Variants in DST observed in about 807,000 individuals in gnomAD.
The protein encoded by DST is dystonin, also known as bullous pemphigoid antigen.
A neutral mutation model predicts 875.2 loss-of-function variants in DST; 253 were observed. That is an observed-to-expected ratio of 0.29 (90% CI 0.26 to 0.32). DST has a LOEUF of 0.32. DST is among the 10% of genes least tolerant of loss of function. The pLI is 1.00. For synonymous variants in DST, 3,124 were observed against 3,197.1 expected (o/e 0.98, Z 0.77); for missense variants, 8,287 against 9,111.6 (o/e 0.91, Z 3.68).
At chr6:56,609,393 G>A (rs2098525624) in intron 39 of DST, 49 bp from the exon 40 acceptor site, 6 of 1,377,306 alleles carry the variant, frequency 4.4e-6, no homozygotes, top group East Asian at 2.3e-5. Context: ...CACAAGGGTG[G>A]GCGGAGTTTC....
intron 2 of DST, among the ~76,000 whole-genome samples, chr6:56,927,836 C>CT (rs1808009696): frequency 6.6e-6 from 1 of 152,140 alleles, no homozygotes; most frequent in Non-Finnish European, 1.5e-5. Flanking sequence ...TAAACAGGTA[C>CT]TAGAGGACTA....
At chr6:56,843,439 C>G in intron 4 of DST, 1 of 1,032,688 alleles carries the variant, frequency 9.7e-7, no homozygotes, top group Non-Finnish European at 1.2e-6. Flanking sequence ...AGCCCAGGGG[C>G]GGCGACGAGC....
At chr6:56,937,779 T>C (rs1232138440) in intron 2 of DST, among the ~76,000 whole-genome samples, 1 of 152,132 alleles carries the variant, frequency 6.6e-6, no homozygotes, top group Non-Finnish European at 1.5e-5. Context: ...AATGGATAAA[T>C]CAAGTATGGT....
intron 9 of DST, among the ~76,000 whole-genome samples, chr6:56,685,976 A>G (rs1224307026): frequency 6.6e-6 from 1 of 152,200 alleles, no homozygotes; most frequent in African/African-American, 2.4e-5. Flanking sequence ...ATTCTTCTAA[A>G]AAGACATCTG....
intron 4 of DST, among the ~76,000 whole-genome samples, chr6:56,842,835 T>G (rs1289740307): frequency 1.3e-5 from 2 of 152,110 alleles, no homozygotes; most frequent in Non-Finnish European, 2.9e-5. Context: ...CCCCCCTCTC[T>G]ACCGCTCATC....
intron 2 of DST, among the ~76,000 whole-genome samples, chr6:56,907,942 C>T (rs551928577): frequency 1.3e-5 from 2 of 152,220 alleles, no homozygotes; most frequent in Admixed American, 6.5e-5. Context: ...TGGTGGCACA[C>T]GCCTATAATC....
At chr6:56,747,835 G>A (rs1047802930) in intron 4 of DST, among the ~76,000 whole-genome samples, 1 of 152,036 alleles carries the variant, frequency 6.6e-6, no homozygotes, top group Admixed American at 6.6e-5. Flanking sequence ...AAGTAATTTG[G>A]TGTTTTAAAG....
chr6:56,907,306 C>T lies in DST; in HGVS notation c.217-6685G>A, dbSNP rs140759637. ...GTTACCTACAAACAAAAATCTGTAA[C>T]GCACACAATTTTTGTTAAAGCTTGC... On this transcript the variant is annotated intron_variant, in intron 2 of 103. Coordinates refer to ENST00000680361, the MANE Select transcript of DST (RefSeq NM_001374736.1). Among the ~76,000 whole-genome samples the T allele has an allele frequency of 2.3e-3, 350 of 152,248 alleles. 3 individuals are homozygous for T. Among genetic ancestry groups the T allele is most frequent in the Middle Eastern group, 0.014 (4 of 294 alleles).
At chr6:56,470,002 C>T (rs1445583466) in intron 96 of DST, 45 bp from the exon 97 acceptor site, 2 of 1,606,262 alleles carry the variant, frequency 1.2e-6, no homozygotes, top group Non-Finnish European at 1.7e-6. Flanking sequence ...GTCAATATTA[C>T]ATAGTACAAT....
At chr6:56,871,658 T>C in intron 3 of DST, 2 of 735,062 alleles carry the variant, frequency 2.7e-6, no homozygotes. Context: ...AGGAACAAAT[T>C]GTTCCTAAAC....
At chr6:56,741,536 C>T (rs1332348846) in intron 4 of DST, among the ~76,000 whole-genome samples, 3 of 152,184 alleles carry the variant, frequency 2.0e-5, no homozygotes, top group Admixed American at 2.0e-4. Context: ...AAGGCTTCAA[C>T]TTTCTTCAAG....
chr6:56,488,970 G>C (rs2095652829), intron 86 of DST, among the ~76,000 whole-genome samples: 1 of 151,996 alleles, frequency 6.6e-6, no homozygotes, highest in Admixed American at 6.5e-5. Flanking sequence ...CATGTCTTTG[G>C]GTACCTTTGA....
At chr6:56,595,898 G>A (rs1422138111) in intron 47 of DST, among the ~76,000 whole-genome samples, 1 of 152,002 alleles carries the variant, frequency 6.6e-6, no homozygotes, top group African/African-American at 2.4e-5. Flanking sequence ...TAGGCTGAAG[G>A]AAGAGAATGG....
chr6:56,912,812 T>A (rs1799337890), intron 2 of DST, among the ~76,000 whole-genome samples: 1 of 152,180 alleles, frequency 6.6e-6, no homozygotes, highest in African/African-American at 2.4e-5. Context: ...GACCTGTAAA[T>A]GGCACACATC....
In DST at chr6:56,617,074, CTTG is replaced by C. The variant is rs768170608; in HGVS notation, c.4930-2593_4930-2591del. On this transcript the variant is annotated intron_variant, in intron 36 of 103. Coordinates refer to ENST00000680361, the MANE Select transcript of DST (RefSeq NM_001374736.1). ...CAATTGAGGTGGCTTTCGTCAGAAA[CTTG>C]TTAAGAGTTTTCTGAACTTCTTCAA... The C allele has an allele frequency of 1.5e-5, 24 of 1,614,008 alleles. No individual in the cohort carries two copies. In the East Asian group the frequency reaches 1.8e-4, roughly 12 times the overall value.
At chr6:56,858,599 T>C (rs1591764766) in intron 3 of DST, among the ~76,000 whole-genome samples, 2 of 152,186 alleles carry the variant, frequency 1.3e-5, no homozygotes. Flanking sequence ...TAATGAACAC[T>C]AAGGTTGATT....
At chr6:56,732,946 G>A (rs1055243528) in intron 5 of DST, among the ~76,000 whole-genome samples, 14 of 152,116 alleles carry the variant, frequency 9.2e-5, no homozygotes, top group South Asian at 2.1e-4. Context: ...ACTTTTAAAC[G>A]AGGGAACAGA....
Position 56,645,880 on chromosome 6 carries a change from A to G in DST, c.1764T>C (p.Arg588=), listed in dbSNP as rs767845627. ...IAMLEREKAL[R]PEVERLEMLQ... is the part of the protein sequence containing the mutation. Reference sequence around the variant, plus strand: ...CTCTGGCCTACCTTTCTACTTCTGGACGAAGGGCCTTCTCTCTCTCTAGCA... The same window carrying G: ...CTCTGGCCTACCTTTCTACTTCTGGGCGAAGGGCCTTCTCTCTCTCTAGCA... The change falls in exon 15 of 104, where the codon CGT becomes CGC. Residue 588 remains arginine (R), a synonymous_variant. Coordinates refer to ENST00000680361, the MANE Select transcript of DST (RefSeq NM_001374736.1). 6.2e-7 allele frequency: 1 copy of G among 1,613,718 alleles called. No homozygotes were observed. Among genetic ancestry groups the G allele is most frequent in the African/African-American group, 1.3e-5 (1 of 75,026 alleles).
chr6:56,764,432 A>G (rs1381921239), intron 4 of DST, among the ~76,000 whole-genome samples: 1 of 151,362 alleles, frequency 6.6e-6, no homozygotes, highest in African/African-American at 2.4e-5. Flanking sequence ...GATTTTCTAC[A>G]CTCCCTTTGC....
Sources: allele counts gnomAD v4.1 joint callset (sites outside exome capture counted in the v4.1 genomes callset), GRCh38; gene constraint gnomAD v4.1.1; transcripts MANE v1.5; gene names NCBI Gene and HGNC (gene_info 2026-07-23, HGNC 2026-07-21).